The following PLCXD3 variants were observed in gnomAD, a reference collection of about 807,000 sequenced individuals.
The protein encoded by PLCXD3 is PI-PLC X domain-containing protein 3.
PLCXD3 carries 19 observed loss-of-function variants against 25.5 expected under a neutral mutation model. The ratio of observed to expected loss-of-function variants is 0.75; its 90% confidence interval spans 0.52 to 1.09. The LOEUF (loss-of-function observed/expected upper bound fraction) is 1.09, where lower values mean the gene tolerates loss of function less well. PLCXD3 is among the 50% of genes least tolerant of loss of function. The pLI is 0.00. For missense variants in PLCXD3, 411 were observed against 388.1 expected (o/e 1.06, Z -0.50); for synonymous variants, 174 against 137.6 (o/e 1.26, Z -1.85).
chr5:41,407,249 A>G (rs913917097), intron 1 of PLCXD3, among the ~76,000 whole-genome samples: 2 of 152,234 alleles, frequency 1.3e-5, no homozygotes, highest in Non-Finnish European at 2.9e-5. Context: ...GTACTTAGAA[A>G]AAATGAAATC....
chr5:41,473,724 G>C (rs937360906), intron 1 of PLCXD3, among the ~76,000 whole-genome samples: 1 of 152,012 alleles, frequency 6.6e-6, no homozygotes, highest in Non-Finnish European at 1.5e-5. Flanking sequence ...CCAAAGTGTT[G>C]GGATCACAGG....
At chr5:41,355,227 C>T (rs1744584915) in intron 2 of PLCXD3, among the ~76,000 whole-genome samples, 1 of 152,084 alleles carries the variant, frequency 6.6e-6, no homozygotes, top group Non-Finnish European at 1.5e-5. Context: ...ACAGAAAATA[C>T]CCGTGGAGTT....
At chr5:41,421,571 G>A (rs1263269672) in intron 1 of PLCXD3, among the ~76,000 whole-genome samples, 2 of 152,066 alleles carry the variant, frequency 1.3e-5, no homozygotes, top group Non-Finnish European at 2.9e-5. Flanking sequence ...CGCGGTGGCG[G>A]GGGCCTGTAG....
chr5:41,471,480 C>A (rs1449805939), intron 1 of PLCXD3, among the ~76,000 whole-genome samples: 2 of 152,130 alleles, frequency 1.3e-5, no homozygotes, highest in Admixed American at 6.5e-5. Flanking sequence ...CCAGTCCTAG[C>A]CAGAGGAGAA....
At chr5:41,422,645 C>A (rs1746854761) in intron 1 of PLCXD3, among the ~76,000 whole-genome samples, 1 of 152,182 alleles carries the variant, frequency 6.6e-6, no homozygotes, top group Non-Finnish European at 1.5e-5. Context: ...CATTATATTT[C>A]TCTTCATTTC....
chr5:41,361,960 C>G (rs1208326137), intron 2 of PLCXD3, among the ~76,000 whole-genome samples: 1 of 152,140 alleles, frequency 6.6e-6, no homozygotes, highest in African/African-American at 2.4e-5. Flanking sequence ...ACCAACTAGA[C>G]CACCACGCTT....
chr5:41,491,799 T>C (rs1277644232), intron 1 of PLCXD3, among the ~76,000 whole-genome samples: 6 of 151,582 alleles, frequency 4.0e-5, no homozygotes, highest in East Asian at 3.9e-4. Flanking sequence ...AGATCTTCCT[T>C]CATCCTTTTA....
intron 1 of PLCXD3, among the ~76,000 whole-genome samples, chr5:41,393,488 C>T (rs1314676136): frequency 6.6e-6 from 1 of 152,102 alleles, no homozygotes; most frequent in Non-Finnish European, 1.5e-5. Flanking sequence ...AAACATGAAG[C>T]AGAAATGGAG....
At chr5:41,391,327 G>T (rs890756551) in intron 1 of PLCXD3, among the ~76,000 whole-genome samples, 2 of 152,094 alleles carry the variant, frequency 1.3e-5, no homozygotes, top group African/African-American at 4.8e-5. Flanking sequence ...TTGAGGAAAG[G>T]GAAGAGTTGA....
In PLCXD3 at chr5:41,381,955, A is replaced by C; in HGVS notation, c.683T>G (p.Phe228Cys). The part of the protein sequence containing the change: ...NTTDPEKLIQ[F>C]LQASITERRK... The stretch of plus-strand genomic sequence containing the variant: ...TCTCTCAGTGATGGATGCTTGAAGA[A>C]ACTGGATCAGTTTCTCGGGGTCTGT... The change falls in exon 2 of 3, where the codon TTT becomes TGT. Residue 228 changes from phenylalanine (F) to cysteine (C), a missense_variant. By Grantham distance (205) the Phe-to-Cys change is radical. Transcript: ENST00000377801. 1.2e-6 allele frequency: 2 copies of C among 1,613,356 alleles called. 1 individual carries two copies.
chr5:41,455,807 C>T lies in PLCXD3; in HGVS notation c.103+54617G>A, dbSNP rs562858994. ...AAAAGGCTTTAGGATCATTATCAATCCTGTAATAAGCCCAAGAGGAAATTT... is the reference window on the plus strand; with the variant it reads ...AAAAGGCTTTAGGATCATTATCAATTCTGTAATAAGCCCAAGAGGAAATTT... On this transcript the variant is annotated intron_variant, in intron 1 of 2. Transcript: ENST00000377801. 2.6e-5 allele frequency among the ~76,000 whole-genome samples: 4 copies of T among 152,022 alleles called. No individual in the cohort carries two copies. In the East Asian group the frequency reaches 7.8e-4, roughly 30 times the overall value.
intron 1 of PLCXD3, among the ~76,000 whole-genome samples, chr5:41,503,756 A>C (rs73081527): frequency 0.011 from 1,724 of 152,272 alleles, 29 homozygotes; most frequent in African/African-American, 0.039. Context: ...TGAACCCTAT[A>C]CAAACCAGAA....
chr5:41,401,659 T>C (rs978773669), intron 1 of PLCXD3, among the ~76,000 whole-genome samples: 1 of 152,178 alleles, frequency 6.6e-6, no homozygotes, highest in African/African-American at 2.4e-5. Context: ...ACGAGACTCT[T>C]GATTTTCTAA....
rs902354550 is a variant in PLCXD3, at chr5:41,490,195, C to T, written c.103+20229G>A. On this transcript the variant is annotated intron_variant, in intron 1 of 2. Transcript: ENST00000377801. ...TTTTCTGCATCTATTGAGATAATCA[C>T]GTGGTTTTTGTCTTTGGTTCTGTTT... Among the ~76,000 whole-genome samples the T allele has an allele frequency of 1.4e-3, 209 of 152,098 alleles. No individual in the cohort carries two copies. The East Asian group carries it at 0.017, about 12-fold the overall frequency.
chr5:41,495,473 C>T (rs919602167), intron 1 of PLCXD3, among the ~76,000 whole-genome samples: 1 of 152,006 alleles, frequency 6.6e-6, no homozygotes, highest in African/African-American at 2.4e-5. Context: ...GATGGGATAC[C>T]CAAGGGGTTA....
chr5:41,443,176 C>T (rs1747420447), intron 1 of PLCXD3, among the ~76,000 whole-genome samples: 1 of 151,362 alleles, frequency 6.6e-6, no homozygotes, highest in Non-Finnish European at 1.5e-5. Context: ...CAACAACAGA[C>T]TGCACATACC....
chr5:41,421,015 C>T (rs1015951099), intron 1 of PLCXD3, among the ~76,000 whole-genome samples: 2 of 152,068 alleles, frequency 1.3e-5, no homozygotes, highest in African/African-American at 4.8e-5. Flanking sequence ...TCCCTGATAT[C>T]CTTTTACTCT....
intron 2 of PLCXD3, among the ~76,000 whole-genome samples, chr5:41,326,461 A>G (rs117455655): frequency 1.4e-4 from 21 of 152,114 alleles, no homozygotes; most frequent in East Asian, 1.2e-3. Context: ...AGTTTTTCCT[A>G]TCTCCCCATA....
rs151322708 is a variant in PLCXD3, at chr5:41,446,473, G to A, written c.104-63939C>T. Among the ~76,000 whole-genome samples, 149 of 151,904 alleles carry A rather than the reference G, an allele frequency of 9.8e-4. 5 individuals are homozygous for A. Among genetic ancestry groups the A allele is most frequent in the African/African-American group, 3.5e-3 (145 of 41,466 alleles). ...CAATTCCAAAAAAGAGCTTCACATG[G>A]GTGTTTCATACTGGCAAATGTAGCC... is the stretch of plus-strand genomic sequence containing the variant. On this transcript the variant is annotated intron_variant, in intron 1 of 2. Coordinates refer to ENST00000377801, the MANE Select transcript of PLCXD3 (RefSeq NM_001005473.3).
Sources: gnomAD v4.1 joint callset for allele counts (sites outside exome capture counted in the v4.1 genomes callset) on GRCh38, gnomAD v4.1.1 for gene constraint, MANE v1.5 for transcripts, NCBI Gene and HGNC (gene_info 2026-07-23, HGNC 2026-07-21) for gene names.